Variants in MGST1 observed in about 807,000 individuals in gnomAD.
MGST1 encodes the protein microsomal glutathione S-transferase 1.
Under a neutral mutation model 8.9 loss-of-function variants are expected in MGST1, and 5 were observed. The observed-to-expected ratio is 0.56, with a 90% confidence interval of 0.29 to 1.19. MGST1 has a LOEUF of 1.19. Among genes scored for constraint, MGST1 ranks in the 50% most tolerant of loss-of-function variants. The pLI, the probability that MGST1 is intolerant of heterozygous loss-of-function variation, is 0.08. For missense variants in MGST1, 182 were observed against 187.4 expected (o/e 0.97, Z 0.17); for synonymous variants, 54 against 67.8 (o/e 0.80, Z 1.00).
At position 16,540,086 on chromosome 12, in the gene MGST1, A is replaced by C. The variant is rs561118029; in HGVS notation, n.483-49442A>C. ...ATAGCTGACACTCTTAAAGTTGAGC[A>C]CTCCTTCCTCCCTGCTCCCAGATTA... is the stretch of plus-strand genomic sequence containing the variant. On this transcript the variant is annotated intron_variant and non_coding_transcript_variant, in intron 4 of 4. Coordinates refer to the MGST1 transcript ENST00000538857. Among the ~76,000 whole-genome samples the C allele has an allele frequency of 2.6e-5, 4 of 152,046 alleles. No homozygotes were observed. The East Asian group carries it at 5.8e-4, about 22-fold the overall frequency.
chr12:16,463,797 G>T (rs1941236866), intron 4 of MGST1, among the ~76,000 whole-genome samples: 1 of 152,110 alleles, frequency 6.6e-6, no homozygotes, highest in Admixed American at 6.5e-5. Flanking sequence ...AGCCTGTTTT[G>T]TTGTCTAAGT....
intron 1 of MGST1, among the ~76,000 whole-genome samples, chr12:16,397,227 G>A (rs1940612964): frequency 1.3e-5 from 2 of 152,186 alleles, no homozygotes; most frequent in African/African-American, 2.4e-5. Context: ...CAAGCCACAT[G>A]TAGGAGAATG....
chr12:16,545,867 T>C (rs1243387396), intron 4 of MGST1, among the ~76,000 whole-genome samples: 1 of 151,962 alleles, frequency 6.6e-6, no homozygotes, highest in Admixed American at 6.6e-5. Flanking sequence ...AAATAACTCC[T>C]AGTTCTTGGC....
intron 4 of MGST1, chr12:16,567,658 A>G (rs1365337447): frequency 6.6e-6 from 1 of 152,226 alleles, no homozygotes; most frequent in African/African-American, 2.4e-5. Flanking sequence ...ATATGGTAGT[A>G]GTCTGCTTGG....
chr12:16,406,688 T>C (rs1423153912), intron 1 of MGST1, among the ~76,000 whole-genome samples: 3 of 152,050 alleles, frequency 2.0e-5, no homozygotes, highest in Non-Finnish European at 4.4e-5. Flanking sequence ...CAAAATACCA[T>C]GAAGTGGTAC....
intron 4 of MGST1, among the ~76,000 whole-genome samples, chr12:16,575,145 CATT>C (rs1042701698): frequency 6.6e-6 from 1 of 152,142 alleles, no homozygotes; most frequent in African/African-American, 2.4e-5. Flanking sequence ...CTAAACTTAA[CATT>C]ATGATGTCCG....
At chr12:16,558,274 T>G (rs1942265033) in intron 4 of MGST1, among the ~76,000 whole-genome samples, 2 of 152,090 alleles carry the variant, frequency 1.3e-5, no homozygotes, top group Non-Finnish European at 2.9e-5. Context: ...TTTAGAAGAA[T>G]GAGACATGGG....
rs1051817644 is a variant in MGST1, at chr12:16,500,139, C to CT, written n.483-89383dup. ...ATTATACTGTTGCCAGAGAAGTTTT[C>CT]TTTTTTCCAAATCGAGTGTTTACTT... is the stretch of plus-strand genomic sequence containing the variant. On this transcript the variant is annotated intron_variant and non_coding_transcript_variant, in intron 4 of 4. Transcript: ENST00000538857. This position sits in a 1 kb window ranked among gnomAD's most constrained non-coding sequence, Gnocchi z 4.3. 1.3e-5 allele frequency among the ~76,000 whole-genome samples: 2 copies of CT among 151,814 alleles called. No individual in the cohort carries two copies. Among genetic ancestry groups the CT allele is most frequent in the African/African-American group, 4.8e-5 (2 of 41,354 alleles).
chr12:16,513,660 C>G lies in MGST1; in HGVS notation n.483-75868C>G. 1 of 507,316 alleles carries G rather than the reference C, an allele frequency of 2.0e-6. No individual in the cohort carries two copies. The highest frequency in any genetic ancestry group is 2.3e-5 in the Admixed American group (1 of 44,348). 31.4% of individuals were successfully genotyped at this position (507,316 alleles called of 1,614,324 possible). On this transcript the variant is annotated intron_variant and non_coding_transcript_variant, in intron 4 of 4. Coordinates refer to the MGST1 transcript ENST00000538857. This position sits in a 1 kb window ranked among gnomAD's most constrained non-coding sequence, Gnocchi z 4.2. Reference sequence around the variant, plus strand: ...CCCAGATTGCAGCCAAAAATTTGGACGAGGACTACCTCTCCATTGGGCGGC... The same window carrying G: ...CCCAGATTGCAGCCAAAAATTTGGAGGAGGACTACCTCTCCATTGGGCGGC...
At position 16,559,183 on chromosome 12, in the gene MGST1, A is replaced by C. The variant is rs1265430639; in HGVS notation, n.483-30345A>C. Among the ~76,000 whole-genome samples, 1 of 152,224 alleles carries C rather than the reference A, an allele frequency of 6.6e-6. No individual in the cohort carries two copies. The highest frequency in any genetic ancestry group is 1.5e-5 in the Non-Finnish European group (1 of 68,034). On this transcript the variant is annotated intron_variant and non_coding_transcript_variant, in intron 4 of 4. Coordinates refer to the MGST1 transcript ENST00000538857. The surrounding 1 kb of genome is among the most constrained non-coding windows in gnomAD (Gnocchi z 4.1). ...AGGTGTTCTCACAGAAAGTCAGTGA[A>C]TTCATTTTCATTAAAATCTATCAAG...
rs1157149550 is a variant in MGST1, at chr12:16,482,351, G to T, written n.482+98747G>T. 6.6e-6 allele frequency among the ~76,000 whole-genome samples: 1 copy of T among 152,154 alleles called. No homozygotes were observed. Among genetic ancestry groups the T allele is most frequent in the Non-Finnish European group, 1.5e-5 (1 of 68,030 alleles). ...TCTGAAGTATAAAAAAAAGAGCAAGGGCCGGGTGCAGTGGCTCACGCCTGT... is the reference window on the plus strand; with the variant it reads ...TCTGAAGTATAAAAAAAAGAGCAAGTGCCGGGTGCAGTGGCTCACGCCTGT... On this transcript the variant is annotated intron_variant and non_coding_transcript_variant, in intron 4 of 4. Transcript: ENST00000538857. This position sits in a 1 kb window ranked among gnomAD's most constrained non-coding sequence, Gnocchi z 4.2.
In MGST1 at chr12:16,477,777, A is replaced by G. The variant is rs1351478030; in HGVS notation, n.482+94173A>G. On this transcript the variant is annotated intron_variant and non_coding_transcript_variant, in intron 4 of 4. Transcript: ENST00000538857. ...AGGTTAGATCATGCATCATTTTGCT[A>G]TTTTGTTCATTCTGTCCCTGTTCTG... Among the ~76,000 whole-genome samples the G allele has an allele frequency of 3.3e-5, 5 of 152,042 alleles. 1 individual carries two copies. The highest frequency in any genetic ancestry group is 9.7e-5 in the African/African-American group (4 of 41,418).
chr12:16,451,136 T>C (rs539467188), intron 4 of MGST1, among the ~76,000 whole-genome samples: 2 of 151,978 alleles, frequency 1.3e-5, no homozygotes, highest in African/African-American at 4.8e-5. Context: ...ACATTGTAAA[T>C]TGTTTGAATT....
intron 1 of MGST1, among the ~76,000 whole-genome samples, chr12:16,409,502 G>T (rs550689834): frequency 1.3e-5 from 2 of 152,196 alleles, no homozygotes; most frequent in Admixed American, 1.3e-4. Context: ...GAAATTATGA[G>T]ACTTGGAGCT....
At chr12:16,408,906 A>G (rs1265275826) in intron 1 of MGST1, among the ~76,000 whole-genome samples, 1 of 152,168 alleles carries the variant, frequency 6.6e-6, no homozygotes, top group Non-Finnish European at 1.5e-5. Flanking sequence ...AACCTACTGT[A>G]AAACCCATAT....
downstream of MGST1, among the ~76,000 whole-genome samples, chr12:16,378,986 C>T (rs925736569): frequency 6.6e-5 from 10 of 151,986 alleles, no homozygotes; most frequent in Non-Finnish European, 1.3e-4. Context: ...GTGATTTTTG[C>T]ACATTGATTT....
intron 1 of MGST1, among the ~76,000 whole-genome samples, chr12:16,428,457 A>T (rs902162058): frequency 6.6e-6 from 1 of 151,678 alleles, no homozygotes; most frequent in Admixed American, 6.6e-5. Flanking sequence ...ATCAAGCTGT[A>T]TTGAACATTT....
chr12:16,359,419 C>A (rs1939886290), intron 3 of MGST1, among the ~76,000 whole-genome samples: 2 of 152,182 alleles, frequency 1.3e-5, no homozygotes, highest in Admixed American at 1.3e-4. Context: ...ATACTTAGCA[C>A]AAAATTTCAC....
intron 4 of MGST1, among the ~76,000 whole-genome samples, chr12:16,453,983 C>T (rs1299911389): frequency 6.6e-6 from 1 of 151,870 alleles, no homozygotes; most frequent in Admixed American, 6.6e-5. Flanking sequence ...CAAAATTCAA[C>T]ACAAGACATA....
Sources: gnomAD v4.1 joint callset for allele counts (sites outside exome capture counted in the v4.1 genomes callset) on GRCh38, gnomAD v4.1.1 for gene constraint, Gnocchi (gnomAD v3.1) non-coding constraint, MANE v1.5 for transcripts, NCBI Gene and HGNC (gene_info 2026-07-23, HGNC 2026-07-21) for gene names.